The following HPD variants were observed in gnomAD, a reference collection of about 807,000 sequenced individuals.
The protein encoded by HPD is 4-hydroxyphenylpyruvate dioxygenase, also known as 4-hydroxyphenylpyruvic acid oxidase.
HPD carries 35 observed loss-of-function variants against 56.9 expected under a neutral mutation model. The observed-to-expected ratio is 0.62, with a 90% CI of 0.47 to 0.82. HPD has a LOEUF of 0.82. HPD is among the 40% of genes least tolerant of loss of function. The pLI is 0.00. For missense variants in HPD, 442 were observed against 506.8 expected, an observed-to-expected ratio of 0.87 and a Z score of 1.23; for synonymous variants, 186 against 200.2, an observed-to-expected ratio of 0.93 and a Z score of 0.60.
upstream of HPD, among the ~76,000 whole-genome samples, chr12:121,865,940 T>C (rs1202771851): frequency 6.6e-6 from 1 of 151,786 alleles, no homozygotes; most frequent in Non-Finnish European, 1.5e-5. Flanking sequence ...TAAGCCTAGA[T>C]TGAGCCACTG....
intron 7 of HPD, 69 bp from the exon 8 acceptor site, chr12:121,849,859 T>C (rs1877708322): frequency 9.7e-7 from 1 of 1,036,018 alleles, no homozygotes; most frequent in African/African-American, 1.6e-5. Flanking sequence ...GCACATTTCA[T>C]AGCGCTAACG....
intron 8 of HPD, among the ~76,000 whole-genome samples, 198 bp downstream of exon 8, chr12:121,849,489 A>AC (rs940705154): frequency 3.1e-4 from 47 of 151,856 alleles, no homozygotes; most frequent in African/African-American, 1.0e-3. Flanking sequence ...TGGGATTTGA[A>AC]CCCGGGGAAG....
the HPD span, among the ~76,000 whole-genome samples, chr12:121,871,900 G>A: frequency 3.2e-4 from 48 of 152,000 alleles, no homozygotes; most frequent in East Asian, 8.8e-3. Context: ...ATTGAGGAGT[G>A]TCCTGGAGAT....
At chr12:121,876,485 C>T in the HPD span, among the ~76,000 whole-genome samples, 443 of 152,130 alleles carry the variant, frequency 2.9e-3, 1 homozygote, top group African/African-American at 0.01. Flanking sequence ...GGATCAAGGC[C>T]CGGGGTACAT....
At chr12:121,854,487 T>C (rs1180832633) in intron 7 of HPD, among the ~76,000 whole-genome samples, 2 of 152,186 alleles carry the variant, frequency 1.3e-5, no homozygotes, top group East Asian at 1.9e-4. Flanking sequence ...CTTGCTGTCA[T>C]CCTCCCGCAC....
intron 7 of HPD, among the ~76,000 whole-genome samples, chr12:121,852,205 A>C (rs1877816369): frequency 6.6e-6 from 1 of 151,928 alleles, no homozygotes; most frequent in Admixed American, 6.6e-5. Context: ...TTTTTCGTAG[A>C]GATGGGGTCT....
upstream of HPD, among the ~76,000 whole-genome samples, chr12:121,862,638 C>T (rs1878210389): frequency 8.3e-6 from 1 of 121,040 alleles, no homozygotes; most frequent in Non-Finnish European, 1.7e-5. Flanking sequence ...GACAGAGTCT[C>T]CCTCTGTGGC....
At chr12:121,869,052 C>T in the HPD span, among the ~76,000 whole-genome samples, 1 of 126,672 alleles carries the variant, frequency 7.9e-6, no homozygotes, top group East Asian at 2.0e-4. Context: ...CTGTGCCCAG[C>T]CAATTAAAAA....
intron 7 of HPD, among the ~76,000 whole-genome samples, chr12:121,850,752 G>A (rs1877743897): frequency 1.4e-5 from 2 of 141,336 alleles, no homozygotes; most frequent in African/African-American, 5.2e-5. Flanking sequence ...AGGCTAGAGT[G>A]TAGTGGTGTG....
intron 7 of HPD, 134 bp downstream of exon 7, chr12:121,854,569 G>A: frequency 2.6e-6 from 2 of 770,406 alleles, no homozygotes; most frequent in East Asian, 5.0e-5. Flanking sequence ...AGGCAATACG[G>A]GGGACAGACT....
upstream of HPD, chr12:121,858,937 G>T (rs1878104513): frequency 3.2e-6 from 4 of 1,259,918 alleles, no homozygotes; most frequent in African/African-American, 2.9e-5. Context: ...GGGGGATGGG[G>T]TGGGGAGCTG....
In HPD at chr12:121,854,639, C is replaced by T. The variant is rs769624201; in HGVS notation, c.414+64G>A. On this transcript the variant is annotated intron_variant, in intron 7 of 13. Transcript: ENST00000289004. ...TGGGATGGTTTGATGGAGTCAGCTG[C>T]GGGGCTCCTGGCATCTCAGTGGTGC... is the stretch of plus-strand genomic sequence containing the variant. The T allele has an allele frequency of 3.6e-5, 40 of 1,123,044 alleles. No individual in the cohort carries two copies. The Middle Eastern group carries it at 5.8e-4, about 16-fold the overall frequency. 69.6% of individuals were successfully genotyped at this position (1,123,044 alleles called of 1,614,324 possible).
At chr12:121,845,108 T>C (rs949063568) in intron 11 of HPD, among the ~76,000 whole-genome samples, 3 of 148,012 alleles carry the variant, frequency 2.0e-5, no homozygotes, top group East Asian at 2.0e-4. Context: ...TATATATATA[T>C]ACACACACAT....
the HPD span, among the ~76,000 whole-genome samples, chr12:121,869,282 G>A: frequency 5.9e-5 from 9 of 151,348 alleles, no homozygotes; most frequent in East Asian, 2.0e-4. Context: ...CCTGGGAGAC[G>A]GAGGTTGCAG....
intron 7 of HPD, among the ~76,000 whole-genome samples, chr12:121,853,560 T>C (rs537391621): frequency 1.0e-3 from 150 of 147,788 alleles, no homozygotes; most frequent in Non-Finnish European, 1.4e-3. Context: ...AGGCAGCGCT[T>C]GCAGTGAGCC....
At chr12:121,867,348 T>C (rs1479288618), upstream of HPD, among the ~76,000 whole-genome samples, 1 of 133,076 alleles carries the variant, frequency 7.5e-6, no homozygotes, top group Non-Finnish European at 1.5e-5. Context: ...AGAGACCCTG[T>C]CTCAAAAAAA....
the HPD span, among the ~76,000 whole-genome samples, chr12:121,880,837 CA>C: frequency 1.3e-5 from 2 of 152,140 alleles, no homozygotes; most frequent in Non-Finnish European, 2.9e-5. Context: ...ATCTGTCACC[CA>C]GGCTGGTGTG....
At chr12:121,873,353 C>A in the HPD span, among the ~76,000 whole-genome samples, 2 of 152,208 alleles carry the variant, frequency 1.3e-5, no homozygotes, top group South Asian at 4.1e-4. Context: ...TGTGATTGAG[C>A]AAGGGAGTAG....
chr12:121,854,097 A>C (rs1224930731), intron 7 of HPD, among the ~76,000 whole-genome samples: 1 of 151,846 alleles, frequency 6.6e-6, no homozygotes, highest in Non-Finnish European at 1.5e-5. Context: ...AAAATACAAA[A>C]AAGAAAAAAT....
Sources: gnomAD v4.1 joint callset for allele counts (sites outside exome capture counted in the v4.1 genomes callset) on GRCh38, gnomAD v4.1.1 for gene constraint, MANE v1.5 for transcripts, NCBI Gene and HGNC (gene_info 2026-07-23, HGNC 2026-07-21) for gene names.